The following PDXK variants were observed in gnomAD, a reference collection of about 807,000 sequenced individuals.
The protein encoded by PDXK is epididymis secretory sperm binding protein Li 1a.
A neutral mutation model predicts 43.2 loss-of-function variants in PDXK; 15 were observed. The observed-to-expected ratio is 0.35, with a 90% CI of 0.23 to 0.53. PDXK has a LOEUF of 0.53. PDXK is among the 20% of genes least tolerant of loss of function. The pLI is 0.92. For synonymous variants in PDXK, 172 were observed against 165.4 expected (o/e 1.04, Z -0.31); for missense variants, 343 against 417.0 (o/e 0.82, Z 1.54).
chr21:43,756,139 G>C lies in PDXK; in HGVS notation c.*76G>C, dbSNP rs1386221049. 4 of 813,194 alleles carry C rather than the reference G, an allele frequency of 4.9e-6. No homozygotes were observed. Among genetic ancestry groups the C allele is most frequent in the Non-Finnish European group, 6.1e-6 (3 of 492,650 alleles). 50.4% of individuals were successfully genotyped at this position (813,194 alleles called of 1,614,324 possible). Reference sequence around the variant, plus strand: ...GTCCCTGTGAAAACATGTAACGTCTGCCTTAGAGCCATGACCGAAACTTGA... The same window carrying C: ...GTCCCTGTGAAAACATGTAACGTCTCCCTTAGAGCCATGACCGAAACTTGA... On this transcript the variant is annotated 3_prime_UTR_variant, in exon 11 of 11. Coordinates refer to ENST00000291565, the MANE Select transcript of PDXK (RefSeq NM_003681.5).
At position 43,735,907 on chromosome 21, in the gene PDXK, G is replaced by A. The variant is rs547711910; in HGVS notation, c.142+1784G>A. 6.6e-6 allele frequency among the ~76,000 whole-genome samples: 1 copy of A among 152,240 alleles called. No individual in the cohort carries two copies. The highest frequency in any genetic ancestry group is 6.5e-5 in the Admixed American group (1 of 15,298). Reference sequence around the variant, plus strand: ...CCCCTTCCCTCGCCCCTGCCACACTGTGCTGCTGGGGAGTGAGGCTGGTGC... The same window carrying A: ...CCCCTTCCCTCGCCCCTGCCACACTATGCTGCTGGGGAGTGAGGCTGGTGC... On this transcript the variant is annotated intron_variant, in intron 2 of 10. Transcript: ENST00000291565. This position sits in a 1 kb window ranked among gnomAD's most constrained non-coding sequence, Gnocchi z 5.3.
At position 43,737,291 on chromosome 21, in the gene PDXK, G is replaced by T. The variant is rs1025937904; in HGVS notation, c.142+3168G>T. The T allele has an allele frequency of 4.3e-6, 6 of 1,399,864 alleles. No homozygotes were observed. The African/African-American group carries it at 7.3e-5, about 17-fold the overall frequency. 86.7% of individuals were successfully genotyped at this position (1,399,864 alleles called of 1,614,324 possible). A position where few individuals can be genotyped will look rare whatever the true frequency, so the allele number is the denominator to read the frequency against. ...GAGCCCACCTGGCGCAGGCCTCGCC[G>T]CCTCGAGGCTGCTGCTCGCACTTCT... On this transcript the variant is annotated intron_variant, in intron 2 of 10. Coordinates refer to ENST00000291565, the MANE Select transcript of PDXK (RefSeq NM_003681.5). This position sits in a 1 kb window ranked among gnomAD's most constrained non-coding sequence, Gnocchi z 4.8.
chr21:43,731,613 G>A (rs1470883758), intron 1 of PDXK, among the ~76,000 whole-genome samples: 4 of 151,368 alleles, frequency 2.6e-5, no homozygotes, highest in Non-Finnish European at 4.4e-5. Flanking sequence ...TGTTGAAGGC[G>A]ATTCCTGTGA....
rs181081812 is a variant in PDXK, at chr21:43,757,172, G to T, written c.*1109G>T. The T allele has an allele frequency of 3.3e-5, 5 of 152,594 alleles. No individual in the cohort carries two copies. The East Asian group carries it at 9.6e-4, about 29-fold the overall frequency. The allele number at this position is 152,594 out of a possible 1,614,324, so 9.5% of individuals were successfully genotyped here. ...TGGGCAGGCTGGGGTGACGGCAGAG[G>T]CCACAGCACCAGCTCTGACAAGTCC... is the stretch of plus-strand genomic sequence containing the variant. On this transcript the variant is annotated 3_prime_UTR_variant, in exon 11 of 11. Transcript: ENST00000291565.
chr21:43,753,493 G>C, intron 8 of PDXK, 90 bp from the exon 9 acceptor site: 2 of 1,402,126 alleles, frequency 1.4e-6, no homozygotes, highest in South Asian at 2.7e-5. Context: ...GACCCTCCCT[G>C]CCGCCGTGCC....
intron 3 of PDXK, among the ~76,000 whole-genome samples, chr21:43,742,478 A>C (rs1260089349): frequency 1.3e-5 from 2 of 152,228 alleles, no homozygotes; most frequent in East Asian, 3.9e-4. Flanking sequence ...CACTGCAGCC[A>C]GCCTGGTTTC....
chr21:43,744,816 C>A (rs1177516026), intron 4 of PDXK, among the ~76,000 whole-genome samples: 2 of 152,200 alleles, frequency 1.3e-5, no homozygotes, highest in South Asian at 4.1e-4. Flanking sequence ...CGTATTCCCA[C>A]GTCTATAGCA....
rs1054862840 is a variant in PDXK, at chr21:43,757,324, G to T, written c.*1261G>T. On this transcript the variant is annotated 3_prime_UTR_variant, in exon 11 of 11. Transcript: ENST00000291565. ...CCTTGATTTCAGCCACACCCCTGCA[G>T]CCCTGCATCCCAGCTCTGGGGTGTG... The T allele has an allele frequency of 6.6e-6, 1 of 152,370 alleles. No individual in the cohort carries two copies. The highest frequency in any genetic ancestry group is 2.4e-5 in the African/African-American group (1 of 41,472). 9.4% of individuals were successfully genotyped at this position (152,370 alleles called of 1,614,324 possible). A position where few individuals can be genotyped will look rare whatever the true frequency, so the allele number is the denominator to read the frequency against.
intron 1 of PDXK, chr21:43,728,613 C>T (rs899741701): frequency 2.9e-5 from 18 of 622,944 alleles, no homozygotes; most frequent in African/African-American, 4.0e-5. Context: ...GCCTGTCTGC[C>T]TCGCTGTGAG....
At chr21:43,753,791 C>T in intron 9 of PDXK, 72 bp downstream of exon 9, 4 of 1,491,692 alleles carry the variant, frequency 2.7e-6, no homozygotes, top group Non-Finnish European at 3.6e-6. Context: ...TATGAGAGTC[C>T]TGGTGGGGGG....
chr21:43,743,663 C>T, intron 3 of PDXK, 61 bp from the exon 4 acceptor site: 1 of 1,207,110 alleles, frequency 8.3e-7, no homozygotes, highest in East Asian at 2.3e-5. Flanking sequence ...TTTCTTTGTG[C>T]CACAGTTGAT....
rs57287253 is a variant in PDXK at position 43,723,155 on chromosome 21, TTC to T, written c.87+3776_87+3777del. Among the ~76,000 whole-genome samples the T allele has an allele frequency of 2.7e-5, 4 of 149,364 alleles. No homozygotes were observed. Among genetic ancestry groups the T allele is most frequent in the Middle Eastern group, 3.5e-3 (1 of 286 alleles). ...CGCCTGGCCTTCTTTTTCTTTTTCT[TTC>T]TTTTTTTTTTTTTTGAGACGAGGGT... On this transcript the variant is annotated intron_variant, in intron 1 of 10. Coordinates refer to ENST00000291565, the MANE Select transcript of PDXK (RefSeq NM_003681.5). This position sits in a 1 kb window ranked among gnomAD's most constrained non-coding sequence, Gnocchi z 4.1.
intron 7 of PDXK, among the ~76,000 whole-genome samples, chr21:43,750,787 T>G (rs544134700): frequency 1.4e-5 from 2 of 146,756 alleles, no homozygotes; most frequent in South Asian, 4.3e-4. Flanking sequence ...TGTGTGGGTG[T>G]GTGTGTGGAT....
chr21:43,748,977 G>T lies in PDXK; in HGVS notation c.379-18G>T. 6.5e-7 allele frequency: 1 copy of T among 1,534,128 alleles called. No homozygotes were observed. Reference sequence around the variant, plus strand: ...TCACGGTGACTCAGCCTCTCCTCCTGTCTCCTTTGTTGGCCAGTACGTCCC... The same window carrying T: ...TCACGGTGACTCAGCCTCTCCTCCTTTCTCCTTTGTTGGCCAGTACGTCCC... On this transcript the variant is annotated intron_variant, in intron 5 of 10. Coordinates refer to ENST00000291565, the MANE Select transcript of PDXK (RefSeq NM_003681.5).
rs753546325 is a variant in PDXK at position 43,741,707 on chromosome 21, G to C, written c.183G>C (p.Glu61Asp). The C allele has an allele frequency of 5.0e-6, 8 of 1,613,232 alleles. 1 individual carries two copies. ...HWKGQVLNSD[E>D]LQELYEGLRL... is the part of the protein sequence containing the mutation. Reference sequence around the variant, plus strand: ...AGGGCCAAGTGCTGAATTCAGATGAGCTCCAGGAGTTGTACGAAGGCCTGA... The same window carrying C: ...AGGGCCAAGTGCTGAATTCAGATGACCTCCAGGAGTTGTACGAAGGCCTGA... The change falls in exon 3 of 11, where the codon GAG (glutamate) becomes GAC (aspartate). Residue 61 changes from glutamate to aspartate, a missense_variant. Glu to Asp is a conservative substitution (Grantham distance 45). Coordinates refer to ENST00000291565, the MANE Select transcript of PDXK (RefSeq NM_003681.5).
At position 43,749,003 on chromosome 21, in the gene PDXK, G is replaced by A. The variant is rs11539534; in HGVS notation, c.387G>A (p.Pro129=). The part of the protein sequence containing the change: ...KWDGEGSMYV[P]EDLLPVYKEK... ...TCTCCTTTGTTGGCCAGTACGTCCC[G>A]GAGGACCTCCTTCCCGTCTACAAAG... The change falls in exon 6 of 11, where the codon CCG becomes CCA. Residue 129 remains proline, a synonymous_variant. Transcript: ENST00000291565. The A allele has an allele frequency of 0.098, 157,746 of 1,604,982 alleles. 9,938 individuals carry two copies. The highest frequency in any genetic ancestry group is 0.22 in the East Asian group (10,050 of 44,786).
chr21:43,749,750 G>T (rs2083701666), intron 6 of PDXK, among the ~76,000 whole-genome samples: 1 of 152,210 alleles, frequency 6.6e-6, no homozygotes, highest in Admixed American at 6.5e-5. Flanking sequence ...CTGTGGGCTT[G>T]TCGGGGCCAC....
At chr21:43,743,674 C>T (rs148518177) in intron 3 of PDXK, 50 bp from the exon 4 acceptor site, 37 of 1,270,744 alleles carry the variant, frequency 2.9e-5, no homozygotes, top group Middle Eastern at 3.7e-4. Flanking sequence ...CACAGTTGAT[C>T]GTGGTGAGTC....
At chr21:43,752,829 G>A (rs150039772) in intron 8 of PDXK, among the ~76,000 whole-genome samples, 200 bp downstream of exon 8, 193 of 152,300 alleles carry the variant, frequency 1.3e-3, no homozygotes, top group Non-Finnish European at 1.8e-3. Context: ...TGGCCTGGCT[G>A]GAACTGGCTT....
Sources: allele counts gnomAD v4.1 joint callset (sites outside exome capture counted in the v4.1 genomes callset), GRCh38; gene constraint gnomAD v4.1.1; non-coding constraint Gnocchi (gnomAD v3.1); transcripts MANE v1.5; gene names NCBI Gene and HGNC (gene_info 2026-07-23, HGNC 2026-07-21).